Variants in TPO observed in about 807,000 individuals in gnomAD.
The protein encoded by TPO is thyroid peroxidase, also known as thyroid microsomal antigen.
In TPO, 78 loss-of-function variants were observed where a neutral mutation model predicts 96.9. The observed-to-expected ratio is 0.81, with a 90% CI of 0.67 to 0.97. The LOEUF is 0.97. TPO is among the 50% of genes least tolerant of loss of function. TPO has a pLI of 0.00. For missense variants in TPO, 1,252 were observed against 1,274.8 expected (o/e 0.98, Z 0.27); for synonymous variants, 547 against 538.0 (o/e 1.02, Z -0.23).
chr2:1,428,851 G>C (rs944348470), intron 3 of TPO, among the ~76,000 whole-genome samples: 2 of 152,108 alleles, frequency 1.3e-5, no homozygotes, highest in African/African-American at 4.8e-5. Flanking sequence ...CTGCACAGGT[G>C]CTTACACTCT....
intron 1 of TPO, 175 bp from the exon 2 acceptor site, chr2:1,414,233 G>C (rs1383637268): frequency 9.1e-6 from 6 of 660,322 alleles, no homozygotes; most frequent in Non-Finnish European, 1.4e-5. Context: ...GTAACCTCCT[G>C]ACATGGACGG....
intron 7 of TPO, among the ~76,000 whole-genome samples, chr2:1,458,628 A>G (rs116390514): frequency 1.7e-4 from 26 of 150,652 alleles, no homozygotes; most frequent in African/African-American, 6.2e-4. Context: ...GTGTGTTTAT[A>G]GCATATTAGT....
chr2:1,482,025 C>A (rs1001807026), intron 8 of TPO, among the ~76,000 whole-genome samples: 1 of 152,194 alleles, frequency 6.6e-6, no homozygotes, highest in Non-Finnish European at 1.5e-5. Context: ...CCCTGGAGCA[C>A]CCTCAGCAAG....
chr2:1,477,758 T>G, intron 8 of TPO, 154 bp downstream of exon 8: 1 of 984,922 alleles, frequency 1.0e-6, no homozygotes, highest in South Asian at 4.7e-5. Flanking sequence ...GGGCCCTGTG[T>G]GGGTGCGCAG....
Position 1,542,704 on chromosome 2 carries a change from C to A in TPO, c.*230C>A. 5.4e-6 allele frequency: 7 copies of A among 1,301,710 alleles called. No homozygotes were observed. Among genetic ancestry groups the A allele is most frequent in the Non-Finnish European group, 7.4e-6 (7 of 948,874 alleles). 80.6% of individuals were successfully genotyped at this position (1,301,710 alleles called of 1,614,324 possible). On this transcript the variant is annotated 3_prime_UTR_variant, in exon 17 of 17. Transcript: ENST00000329066. ...CTGATTTGTTCCTTCTGGGGCTTTG[C>A]CATTAAAATGTATTTACAGATTACA...
At chr2:1,496,341 GGGGC>G in intron 12 of TPO, 144 bp downstream of exon 12, 1 of 912,798 alleles carries the variant, frequency 1.1e-6, no homozygotes, top group Non-Finnish European at 1.6e-6. Flanking sequence ...GGCAGCTCCT[GGGGC>G]GGGGCGGGGC....
At chr2:1,471,495 G>A (rs868512613) in intron 7 of TPO, among the ~76,000 whole-genome samples, 2 of 151,060 alleles carry the variant, frequency 1.3e-5, no homozygotes, top group Non-Finnish European at 2.9e-5. Context: ...ATTCAAAATA[G>A]GTTTTAATTC....
intron 7 of TPO, among the ~76,000 whole-genome samples, chr2:1,474,311 G>A (rs537958427): frequency 7.6e-4 from 115 of 152,280 alleles, no homozygotes; most frequent in African/African-American, 2.7e-3. Flanking sequence ...GAACCATTCT[G>A]TGAATAGATT....
chr2:1,494,169 A>C, intron 11 of TPO, 130 bp downstream of exon 11: 7 of 974,768 alleles, frequency 7.2e-6, no homozygotes, highest in Admixed American at 3.5e-5. Flanking sequence ...AAGCCTGGTC[A>C]GGTTGTTTCT....
chr2:1,478,997 G>A (rs1263471483), intron 8 of TPO, among the ~76,000 whole-genome samples: 1 of 152,262 alleles, frequency 6.6e-6, no homozygotes, highest in Non-Finnish European at 1.5e-5. Flanking sequence ...TTATGTGGGT[G>A]AGAAGATCGA....
At chr2:1,404,407 T>TTCA (rs1662217882) in intron 1 of TPO, among the ~76,000 whole-genome samples, 1 of 152,228 alleles carries the variant, frequency 6.6e-6, no homozygotes, top group African/African-American at 2.4e-5. Flanking sequence ...GACTGAACTG[T>TTCA]GTCCCCAGGG....
At chr2:1,535,675 G>A (rs1293644170) in intron 15 of TPO, among the ~76,000 whole-genome samples, 6 of 65,228 alleles carry the variant, frequency 9.2e-5, no homozygotes, top group African/African-American at 1.2e-4. Flanking sequence ...CCCACTCTGT[G>A]CAACCTCCCC....
In TPO at chr2:1,422,301, G is replaced by GCGCCTCTCCTGGACAGACCTCGTGCAGC. The variant is rs1663653924; in HGVS notation, c.95-717_95-716insCCGCCTCTCCTGGACAGACCTCGTGCAG. ...GACTGAAGCCTTGAAGACCCCGCAG[G>GCGCCTCTCCTGGACAGACCTCGTGCAGC]CGCCTCTCCTGGACAGACCTCGTGC... On this transcript the variant is annotated intron_variant, in intron 2 of 16. Transcript: ENST00000329066. 1.7e-3 allele frequency among the ~76,000 whole-genome samples: 205 copies of GCGCCTCTCCTGGACAGACCTCGTGCAGC among 123,922 alleles called. 3 individuals carry two copies. Among genetic ancestry groups the GCGCCTCTCCTGGACAGACCTCGTGCAGC allele is most frequent in the Middle Eastern group, 4.0e-3 (1 of 248 alleles). The allele number at this position is 123,922 out of a possible 152,430, so 81.3% of individuals were successfully genotyped here.
In TPO at chr2:1,492,898, C is replaced by T. The variant is rs555253609; in HGVS notation, c.1769-904C>T. Reference sequence around the variant, plus strand: ...ACCCGTGGGAGTGAGGGTCGCCCATCCTTGAGGAGGGAGCACTTCTGGAGG... The same window carrying T: ...ACCCGTGGGAGTGAGGGTCGCCCATTCTTGAGGAGGGAGCACTTCTGGAGG... On this transcript the variant is annotated intron_variant, in intron 10 of 16. Transcript: ENST00000329066. 2.6e-5 allele frequency among the ~76,000 whole-genome samples: 4 copies of T among 152,206 alleles called. No individual in the cohort carries two copies. The South Asian group carries it at 8.3e-4, about 32-fold the overall frequency.
intron 1 of TPO, among the ~76,000 whole-genome samples, chr2:1,399,694 C>T (rs981488805): frequency 2.5e-4 from 38 of 152,190 alleles, no homozygotes; most frequent in Admixed American, 4.6e-4. Context: ...TCCAGTGCCT[C>T]GGGAGCCTCT....
At chr2:1,394,464 T>C (rs930900563) in intron 1 of TPO, among the ~76,000 whole-genome samples, 1 of 152,136 alleles carries the variant, frequency 6.6e-6, no homozygotes, top group Non-Finnish European at 1.5e-5. Flanking sequence ...CTGGATTCTC[T>C]GAATAGGATG....
rs546476358 is a variant in TPO, at chr2:1,505,573, G to A, written c.2518+1494G>A. On this transcript the variant is annotated intron_variant, in intron 14 of 16. Transcript: ENST00000329066. ...GTACAGCCCCCAACCCCCATGTCAG[G>A]CACACCCCCACTCCTTTTGTTGTTG... 1.7e-3 allele frequency among the ~76,000 whole-genome samples: 242 copies of A among 142,074 alleles called. 3 individuals carry two copies. The highest frequency in any genetic ancestry group is 6.2e-3 in the African/African-American group (236 of 38,086). 93.2% of individuals were successfully genotyped at this position (142,074 alleles called of 152,430 possible). A position where few individuals can be genotyped will look rare whatever the true frequency, so the allele number is the denominator to read the frequency against.
In TPO at chr2:1,494,273, T is replaced by A. The variant is rs1274675438; in HGVS notation, c.2006+234T>A. ...ACTTAGAATGGGAGCTAGCACTGAT[T>A]TTTCCTAGATCCAACCACACGAGCA... is the stretch of plus-strand genomic sequence containing the variant. On this transcript the variant is annotated intron_variant, in intron 11 of 16. Transcript: ENST00000329066. Among the ~76,000 whole-genome samples the A allele has an allele frequency of 3.3e-5, 5 of 152,190 alleles. No individual in the cohort carries two copies. In the East Asian group the frequency reaches 7.7e-4, roughly 23 times the overall value.
chr2:1,453,311 AT>A (rs2148580194), intron 5 of TPO, among the ~76,000 whole-genome samples: 1 of 152,280 alleles, frequency 6.6e-6, no homozygotes, highest in African/African-American at 2.4e-5. Flanking sequence ...ATGCCACAGG[AT>A]TTCAAATGAT....
Sources: allele counts gnomAD v4.1 joint callset (sites outside exome capture counted in the v4.1 genomes callset), GRCh38; gene constraint gnomAD v4.1.1; transcripts MANE v1.5; gene names NCBI Gene and HGNC (gene_info 2026-07-23, HGNC 2026-07-21).